Variants in RNF111 observed in about 807,000 individuals in gnomAD.
The protein encoded by RNF111 is E3 ubiquitin-protein ligase Arkadia.
In RNF111, 17 loss-of-function variants were observed where a neutral mutation model predicts 95.1. The observed-to-expected ratio is 0.18, with a 90% CI of 0.12 to 0.27. The LOEUF is 0.27. Ranked by LOEUF, RNF111 falls within the 10% of genes least tolerant of loss-of-function variation. The pLI is 1.00. For synonymous variants in RNF111, 440 were observed against 414.8 expected, an observed-to-expected ratio of 1.06 and a Z score of -0.74; for missense variants, 1,189 against 1,210.4, an observed-to-expected ratio of 0.98 and a Z score of 0.26.
At chr15:59,024,681 G>T (rs1298240385) in intron 1 of RNF111, among the ~76,000 whole-genome samples, 2 of 152,096 alleles carry the variant, frequency 1.3e-5, no homozygotes, top group African/African-American at 2.4e-5. Flanking sequence ...TATTTTGGTC[G>T]TTTAAATGTA....
At chr15:59,025,855 C>G (rs907033751) in intron 1 of RNF111, among the ~76,000 whole-genome samples, 1 of 152,112 alleles carries the variant, frequency 6.6e-6, no homozygotes, top group Admixed American at 6.5e-5. Flanking sequence ...CTCAGCCTCC[C>G]GAGTAGCTGG....
chr15:59,010,903 G>A (rs1225656137), intron 1 of RNF111, among the ~76,000 whole-genome samples: 3 of 152,042 alleles, frequency 2.0e-5, no homozygotes, highest in Non-Finnish European at 4.4e-5. Context: ...GAATTCTGAG[G>A]GAAATTTTGT....
chr15:58,999,819 T>A (rs1200820900), intron 1 of RNF111, among the ~76,000 whole-genome samples: 1 of 152,138 alleles, frequency 6.6e-6, no homozygotes, highest in Non-Finnish European at 1.5e-5. Context: ...AGCATCTGCT[T>A]CTGGGGAGGC....
chr15:59,080,963 A>G lies in RNF111; in HGVS notation c.1976A>G (p.His659Arg), dbSNP rs746893754. 2 of 1,613,056 alleles carry G rather than the reference A, an allele frequency of 1.2e-6. No homozygotes were observed. Among genetic ancestry groups the G allele is most frequent in the South Asian group, 1.1e-5 (1 of 90,906 alleles). ...GCCTCTTTGACAAGGCCACTTCATCATCAAGCTTCTGCCTGCCCGCATTCT... is the reference window on the plus strand; with the variant it reads ...GCCTCTTTGACAAGGCCACTTCATCGTCAAGCTTCTGCCTGCCCGCATTCT... ...PYASLTRPLH[H>R]QASACPHSHG... Residue 659 changes from histidine to arginine, a missense_variant, in exon 8 of 14, where the codon CAT (histidine) becomes CGT (arginine). By Grantham distance (29) the His-to-Arg change is conservative (BLOSUM62 0). Coordinates refer to ENST00000348370, the MANE Select transcript of RNF111 (RefSeq NM_017610.8).
At chr15:59,058,641 TTAA>T (rs2042302711) in intron 5 of RNF111, 91 bp downstream of exon 5, 1 of 1,133,934 alleles carries the variant, frequency 8.8e-7, no homozygotes, top group Non-Finnish European at 1.3e-6. Context: ...TTTAGCTATG[TTAA>T]TAAGCGGGTA....
rs60350601 is a variant in RNF111, at chr15:58,996,649, CTTTTTTT to C, written c.-20+8604_-20+8610del. 9.8e-3 allele frequency among the ~76,000 whole-genome samples: 989 copies of C among 100,746 alleles called. 8 individuals are homozygous for C. Among genetic ancestry groups the C allele is most frequent in the South Asian group, 0.054 (169 of 3,122 alleles). The allele number at this position is 100,746 out of a possible 152,430, so 66.1% of individuals were successfully genotyped here. On this transcript the variant is annotated intron_variant, in intron 1 of 13. Transcript: ENST00000348370. ...GTGATTGAAAACTCATCAGTACTTT[CTTTTTTT>C]TTTTTTTTTTTTTTTTTTTTTTACC...
chr15:59,073,871 GA>G (rs1345195644), intron 6 of RNF111, among the ~76,000 whole-genome samples: 2 of 152,144 alleles, frequency 1.3e-5, no homozygotes, highest in African/African-American at 4.8e-5. Flanking sequence ...AGTAAGACTT[GA>G]AAGTTGAAAT....
At chr15:59,032,977 T>G (rs1218899290) in intron 2 of RNF111, among the ~76,000 whole-genome samples, 2 of 152,218 alleles carry the variant, frequency 1.3e-5, no homozygotes, top group Admixed American at 1.3e-4. Flanking sequence ...GTATGTTCCA[T>G]GTATACAAAC....
chr15:59,000,708 CAAAAA>C (rs35056899), intron 1 of RNF111, among the ~76,000 whole-genome samples: 2 of 90,176 alleles, frequency 2.2e-5, no homozygotes, highest in Non-Finnish European at 4.6e-5. Context: ...AACTCCGTCT[CAAAAA>C]AAAAAAAAAA....
chr15:58,997,658 A>T (rs1452912440), intron 1 of RNF111, among the ~76,000 whole-genome samples: 2 of 151,640 alleles, frequency 1.3e-5, no homozygotes, highest in Non-Finnish European at 2.9e-5. Flanking sequence ...CTCTACTAAA[A>T]ATACAAAATT....
At chr15:59,031,732 G>C (rs766772911) in intron 2 of RNF111, 30 bp downstream of exon 2, 1 of 1,591,968 alleles carries the variant, frequency 6.3e-7, no homozygotes, top group Admixed American at 1.7e-5. Context: ...GTAAAACATG[G>C]AACCTATTGC....
intron 1 of RNF111, among the ~76,000 whole-genome samples, chr15:59,009,427 G>A (rs2039689015): frequency 6.6e-6 from 1 of 151,598 alleles, no homozygotes; most frequent in African/African-American, 2.4e-5. Flanking sequence ...TGACCAAATG[G>A]TGATGACTTA....
chr15:59,043,400 G>C (rs1304971488), intron 2 of RNF111, among the ~76,000 whole-genome samples: 1 of 152,096 alleles, frequency 6.6e-6, no homozygotes, highest in East Asian at 1.9e-4. Context: ...CAGGTGATCT[G>C]CCTGCCTTGG....
intron 1 of RNF111, among the ~76,000 whole-genome samples, chr15:59,028,092 G>A (rs2040714945): frequency 6.6e-6 from 1 of 151,820 alleles, no homozygotes; most frequent in Non-Finnish European, 1.5e-5. Context: ...CTCCCAAAGT[G>A]TAGGGTTTGG....
intron 1 of RNF111, among the ~76,000 whole-genome samples, chr15:59,014,379 C>T (rs2039970428): frequency 6.6e-6 from 1 of 152,184 alleles, no homozygotes; most frequent in South Asian, 2.1e-4. Flanking sequence ...CCCTTTTTGA[C>T]TCCTCAGTTC....
Position 59,076,132 on chromosome 15 carries a change from G to C in RNF111, c.1865G>C (p.Gly622Ala), listed in dbSNP as rs1184410274. The change falls in exon 7 of 14, where the codon GGA becomes GCA. Residue 622 changes from glycine (G) to alanine (A), a missense_variant. Gly to Ala is a moderately conservative substitution (Grantham distance 60). Coordinates refer to ENST00000348370, the MANE Select transcript of RNF111 (RefSeq NM_017610.8). ...CCTTTATCATCAATAGATGGCTATG[G>C]ATCAAGCATGGTTGCGCAGCCCCAG... Reference protein sequence around the residue: ...SQPLSSIDGYGSSMVAQPQPQ... With the variant: ...SQPLSSIDGYASSMVAQPQPQ... The C allele has an allele frequency of 2.5e-6, 4 of 1,613,946 alleles. No individual in the cohort carries two copies. The highest frequency in any genetic ancestry group is 3.4e-6 in the Non-Finnish European group (4 of 1,180,042).
intron 11 of RNF111, 90 bp from the exon 12 acceptor site, chr15:59,090,969 A>T (rs932645732): frequency 1.3e-6 from 1 of 754,082 alleles, no homozygotes; most frequent in African/African-American, 1.8e-5. Flanking sequence ...GTTTCTAAGT[A>T]TGGAGGTTTA....
intron 1 of RNF111, among the ~76,000 whole-genome samples, chr15:59,029,202 T>A (rs1324458414): frequency 6.6e-6 from 1 of 152,188 alleles, no homozygotes; most frequent in Non-Finnish European, 1.5e-5. Flanking sequence ...CTAACACTTG[T>A]TATTACCTGT....
intron 2 of RNF111, among the ~76,000 whole-genome samples, chr15:59,040,803 G>A (rs2041411625): frequency 6.6e-6 from 1 of 152,046 alleles, no homozygotes; most frequent in Admixed American, 6.6e-5. Flanking sequence ...TTTTCTGTGT[G>A]GTTATGCCAC....
Sources: gnomAD v4.1 joint callset for allele counts (sites outside exome capture counted in the v4.1 genomes callset) on GRCh38, gnomAD v4.1.1 for gene constraint, MANE v1.5 for transcripts, NCBI Gene and HGNC (gene_info 2026-07-23, HGNC 2026-07-21) for gene names.